The following SNX29 variants were observed in gnomAD, a reference collection of about 807,000 sequenced individuals.
The protein encoded by SNX29 is sorting nexin 29, also known as sorting nexin-29.
Under a neutral mutation model 102.1 loss-of-function variants are expected in SNX29, and 78 were observed. That is an observed-to-expected ratio of 0.76 (90% CI 0.64 to 0.92). The LOEUF (loss-of-function observed/expected upper bound fraction) is 0.92. Among genes scored for constraint, SNX29 ranks in the 40% least tolerant of loss-of-function variants. The probability of loss-of-function intolerance (pLI) is 0.00; values close to 1 mark genes in which losing one functional copy is unlikely to be tolerated. For synonymous variants in SNX29, 580 were observed against 414.5 expected (o/e 1.40, Z -4.85); for missense variants, 1,280 against 1,061.7 (o/e 1.21, Z -2.86).
At chr16:12,537,859 C>T (rs978067369) in intron 20 of SNX29, among the ~76,000 whole-genome samples, 25 of 152,140 alleles carry the variant, frequency 1.6e-4, no homozygotes, top group Admixed American at 7.9e-4. Flanking sequence ...GTGGCTCACG[C>T]TTATAGTCCC....
chr16:12,223,794 A>G (rs1404184377), intron 14 of SNX29, among the ~76,000 whole-genome samples: 1 of 152,170 alleles, frequency 6.6e-6, no homozygotes, highest in Non-Finnish European at 1.5e-5. Flanking sequence ...TTCATCTGTC[A>G]TCATGGTGGC....
intron 18 of SNX29, among the ~76,000 whole-genome samples, chr16:12,465,275 T>G (rs1163226782): frequency 7.2e-6 from 1 of 138,982 alleles, no homozygotes; most frequent in African/African-American, 3.1e-5. Flanking sequence ...TGGTAACATA[T>G]TCAAAAAAAT....
chr16:12,097,786 G>A lies in SNX29; in HGVS notation c.1402+18871G>A, dbSNP rs1235058988. On this transcript the variant is annotated intron_variant, in intron 11 of 20. Coordinates refer to ENST00000566228, the MANE Select transcript of SNX29 (RefSeq NM_032167.5). The stretch of plus-strand genomic sequence containing the variant: ...AGAGCCAATCCAAAATGGGCCTCTC[G>A]CTCAGGGGATGAGACGCGGTCAGAC... 3.9e-5 allele frequency among the ~76,000 whole-genome samples: 6 copies of A among 152,316 alleles called. 1 individual carries two copies. In the South Asian group the frequency reaches 1.0e-3, roughly 26 times the overall value.
intron 6 of SNX29, among the ~76,000 whole-genome samples, chr16:12,047,025 G>C (rs1434388158): frequency 6.6e-6 from 1 of 152,204 alleles, no homozygotes; most frequent in Non-Finnish European, 1.5e-5. Context: ...GCGGGGAATT[G>C]GAGGTGGGAG....
chr16:12,285,845 G>GTTTA (rs1350135281), intron 15 of SNX29, among the ~76,000 whole-genome samples: 1 of 152,078 alleles, frequency 6.6e-6, no homozygotes, highest in East Asian at 1.9e-4. Flanking sequence ...ATGATGTTAG[G>GTTTA]TTTATTTATT....
At chr16:12,087,759 C>T in intron 11 of SNX29, 1 of 433,180 alleles carries the variant, frequency 2.3e-6, no homozygotes, top group Non-Finnish European at 4.6e-6. Context: ...AGGCCAAATA[C>T]AGTGCTCAGA....
intron 20 of SNX29, among the ~76,000 whole-genome samples, chr16:12,540,057 A>G: frequency 6.6e-6 from 1 of 152,268 alleles, no homozygotes; most frequent in South Asian, 2.1e-4. Flanking sequence ...TGTGTCCCAG[A>G]TCATGCTTTT....
intron 1 of SNX29, among the ~76,000 whole-genome samples, chr16:11,993,198 T>C (rs1724709756): frequency 6.6e-6 from 1 of 151,766 alleles, no homozygotes; most frequent in South Asian, 2.1e-4. Flanking sequence ...AATAAATAAA[T>C]ATCTGTGTGG....
At chr16:12,059,358 C>G (rs1347721276) in intron 8 of SNX29, among the ~76,000 whole-genome samples, 2 of 152,194 alleles carry the variant, frequency 1.3e-5, no homozygotes, top group African/African-American at 4.8e-5. Flanking sequence ...AGGAGGGCGC[C>G]TCTTGACAGA....
intron 16 of SNX29, among the ~76,000 whole-genome samples, chr16:12,386,253 C>A (rs2083337021): frequency 6.6e-6 from 1 of 152,208 alleles, no homozygotes; most frequent in Admixed American, 6.5e-5. Context: ...GCTGGTGCGG[C>A]TTCCAGATAA....
chr16:12,017,264 TA>T (rs2056878400), intron 3 of SNX29, among the ~76,000 whole-genome samples: 1 of 152,244 alleles, frequency 6.6e-6, no homozygotes, highest in Non-Finnish European at 1.5e-5. Context: ...TCCTTAGTCC[TA>T]ACCTGGGCCT....
intron 19 of SNX29, among the ~76,000 whole-genome samples, chr16:12,517,974 T>C (rs1287541391): frequency 1.3e-5 from 2 of 151,998 alleles, no homozygotes; most frequent in Non-Finnish European, 2.9e-5. Context: ...TGCTAACATA[T>C]TACAATGTTG....
chr16:12,383,639 T>A lies in SNX29; in HGVS notation c.1900-14807T>A, dbSNP rs377197689. Among the ~76,000 whole-genome samples the A allele has an allele frequency of 1.2e-4, 19 of 152,126 alleles. No individual in the cohort carries two copies. The East Asian group carries it at 3.5e-3, about 28-fold the overall frequency. On this transcript the variant is annotated intron_variant, in intron 16 of 20. Transcript: ENST00000566228. Reference sequence around the variant, plus strand: ...TTTAGTAAAGACGGGTTTCACCACGTTGGCCAGGCTGGTCTCGAATTCCTG... The same window carrying A: ...TTTAGTAAAGACGGGTTTCACCACGATGGCCAGGCTGGTCTCGAATTCCTG...
At chr16:12,122,280 A>T (rs1016290744) in intron 11 of SNX29, among the ~76,000 whole-genome samples, 1 of 152,128 alleles carries the variant, frequency 6.6e-6, no homozygotes, top group Non-Finnish European at 1.5e-5. Flanking sequence ...CCTGTGGCAC[A>T]TCTGAACTTC....
chr16:12,077,386 GGTGTGTGTGTGT>G (rs60621681), intron 10 of SNX29, among the ~76,000 whole-genome samples: 65 of 142,886 alleles, frequency 4.5e-4, no homozygotes, highest in Non-Finnish European at 8.6e-4. Context: ...TCCTAGTCAT[GGTGTGTGTGTGT>G]GTGTGTGTGT....
rs1375924140 is a variant in SNX29 at position 12,569,598 on chromosome 16, C to G, written c.*969C>G. On this transcript the variant is annotated 3_prime_UTR_variant, in exon 21 of 21. Transcript: ENST00000566228. ...AAAACATTTTCCATCCCGTCTGCCC[C>G]CGACATTGTCCTTGATAACAGAACT... 4.4e-6 allele frequency: 1 copy of G among 229,128 alleles called. No individual in the cohort carries two copies. Among genetic ancestry groups the G allele is most frequent in the African/African-American group, 2.2e-5 (1 of 44,524 alleles). 14.2% of individuals were successfully genotyped at this position (229,128 alleles called of 1,614,324 possible). A position where few individuals can be genotyped will look rare whatever the true frequency, so the allele number is the denominator to read the frequency against.
At chr16:12,374,201 G>A (rs1392596395) in intron 16 of SNX29, among the ~76,000 whole-genome samples, 1 of 152,220 alleles carries the variant, frequency 6.6e-6, no homozygotes, top group Non-Finnish European at 1.5e-5. Flanking sequence ...GATGCTAATA[G>A]TGTCTTCCCT....
intron 20 of SNX29, among the ~76,000 whole-genome samples, chr16:12,554,863 G>A (rs28648496): frequency 6.6e-6 from 1 of 152,172 alleles, no homozygotes; most frequent in African/African-American, 2.4e-5. Context: ...GCTCAGGAAA[G>A]AGGACAAAGA....
chr16:12,248,274 A>G (rs941029821), intron 14 of SNX29, among the ~76,000 whole-genome samples: 5 of 151,744 alleles, frequency 3.3e-5, no homozygotes, highest in African/African-American at 1.2e-4. Context: ...GACATGCCCA[A>G]TCGTTGTTCT....
Sources: allele counts gnomAD v4.1 joint callset (sites outside exome capture counted in the v4.1 genomes callset), GRCh38; gene constraint gnomAD v4.1.1; transcripts MANE v1.5; gene names NCBI Gene and HGNC (gene_info 2026-07-23, HGNC 2026-07-21).